Variants in THSD4 observed in about 807,000 individuals in gnomAD.
THSD4 encodes thrombospondin type-1 domain-containing protein 4.
A neutral mutation model predicts 119.0 loss-of-function variants in THSD4; 69 were observed. The ratio of observed to expected loss-of-function variants is 0.58; its 90% CI spans 0.48 to 0.71. The LOEUF (loss-of-function observed/expected upper bound fraction) is 0.71, where lower values mean the gene tolerates loss of function less well. Among genes scored for constraint, THSD4 ranks in the 30% least tolerant of loss-of-function variants. THSD4 has a pLI of 0.00. For missense variants in THSD4, 1,393 were observed against 1,391.1 expected (o/e 1.00, Z -0.02); for synonymous variants, 524 against 540.4 (o/e 0.97, Z 0.42).
chr15:71,346,317 T>C (rs1285723049), intron 6 of THSD4, among the ~76,000 whole-genome samples: 2 of 152,238 alleles, frequency 1.3e-5, no homozygotes, highest in Non-Finnish European at 2.9e-5. Context: ...TGGGGTATTC[T>C]TATTGTATCC....
intron 1 of THSD4, among the ~76,000 whole-genome samples, chr15:71,119,202 C>G (rs1038892558): frequency 5.3e-5 from 8 of 152,228 alleles, no homozygotes; most frequent in African/African-American, 1.9e-4. Flanking sequence ...TTAAACCCAG[C>G]TCTCTAAATC....
intron 1 of THSD4, among the ~76,000 whole-genome samples, chr15:71,126,539 C>T (rs2040458142): frequency 6.6e-6 from 1 of 152,156 alleles, no homozygotes; most frequent in African/African-American, 2.4e-5. Context: ...CTAAAATGTC[C>T]AGGTTTCAAT....
At chr15:71,190,913 C>G (rs115508409) in intron 3 of THSD4, among the ~76,000 whole-genome samples, 3,102 of 152,182 alleles carry the variant, frequency 0.02, 44 homozygotes, top group South Asian at 0.049. Context: ...TCAGTGCCAG[C>G]CCTCCCAAAT....
intron 7 of THSD4, among the ~76,000 whole-genome samples, chr15:71,438,239 C>T (rs2047042102): frequency 6.6e-6 from 1 of 152,060 alleles, no homozygotes; most frequent in African/African-American, 2.4e-5. Context: ...TTTTTCTTAA[C>T]TTGTAGGAGC....
At chr15:71,704,069 C>T (rs2052347603) in intron 8 of THSD4, among the ~76,000 whole-genome samples, 1 of 152,132 alleles carries the variant, frequency 6.6e-6, no homozygotes, top group Non-Finnish European at 1.5e-5. Context: ...AGAATGGTCT[C>T]AATCTCCTGA....
At chr15:71,529,746 G>A (rs1163087719) in intron 7 of THSD4, among the ~76,000 whole-genome samples, 1 of 152,164 alleles carries the variant, frequency 6.6e-6, no homozygotes, top group Non-Finnish European at 1.5e-5. Context: ...TGAACAAAAT[G>A]TACTGAAAAT....
chr15:71,233,173 C>T (rs2044075146), intron 4 of THSD4, among the ~76,000 whole-genome samples: 1 of 152,152 alleles, frequency 6.6e-6, no homozygotes, highest in African/African-American at 2.4e-5. Context: ...ATATTTTGTC[C>T]TTGAGCTATT....
rs1220024566 is a variant in THSD4 at position 71,779,250 on chromosome 15, T to A, written c.*1876T>A. ...CTCTTGGAACTCCTACAGATAAGCATCCTGGCAGAGGCCCAGGCTCCCAAA... is the reference window on the plus strand; with the variant it reads ...CTCTTGGAACTCCTACAGATAAGCAACCTGGCAGAGGCCCAGGCTCCCAAA... On this transcript the variant is annotated 3_prime_UTR_variant, in exon 18 of 18. Coordinates refer to ENST00000261862, the MANE Select transcript of THSD4 (RefSeq NM_024817.3). 1 of 152,204 alleles carries A rather than the reference T, an allele frequency of 6.6e-6. No individual in the cohort carries two copies. Among genetic ancestry groups the A allele is most frequent in the Non-Finnish European group, 1.5e-5 (1 of 68,066 alleles). The allele number at this position is 152,204 out of a possible 1,614,324, so 9.4% of individuals were successfully genotyped here. A position where few individuals can be genotyped will look rare whatever the true frequency, so the allele number is the denominator to read the frequency against.
At chr15:71,412,044 A>G (rs1430828159) in intron 7 of THSD4, among the ~76,000 whole-genome samples, 1 of 152,152 alleles carries the variant, frequency 6.6e-6, no homozygotes, top group Admixed American at 6.5e-5. Flanking sequence ...TAGCATTCCC[A>G]TTATTAAGTG....
At chr15:71,272,047 G>T (rs545603660) in intron 6 of THSD4, among the ~76,000 whole-genome samples, 42 of 152,004 alleles carry the variant, frequency 2.8e-4, no homozygotes, top group Non-Finnish European at 5.7e-4. Context: ...TCAGATCAGG[G>T]GCTCAAATCC....
intron 7 of THSD4, among the ~76,000 whole-genome samples, chr15:71,441,869 G>A (rs888987029): frequency 3.3e-5 from 5 of 152,088 alleles, no homozygotes; most frequent in Non-Finnish European, 7.4e-5. Flanking sequence ...TCAATGAGAC[G>A]GTGCATAAAA....
At chr15:71,137,060 C>A (rs1307489561) in intron 1 of THSD4, among the ~76,000 whole-genome samples, 1 of 152,106 alleles carries the variant, frequency 6.6e-6, no homozygotes, top group East Asian at 1.9e-4. Context: ...CCTGTAGGAT[C>A]TTTGTGGAAG....
At chr15:71,261,888 G>A (rs1223566399) in intron 6 of THSD4, among the ~76,000 whole-genome samples, 2 of 152,190 alleles carry the variant, frequency 1.3e-5, no homozygotes, top group Non-Finnish European at 2.9e-5. Context: ...GAAGCCTATG[G>A]TCACTGAAGT....
intron 7 of THSD4, among the ~76,000 whole-genome samples, chr15:71,553,395 G>A (rs1024324411): frequency 6.7e-6 from 1 of 150,344 alleles, no homozygotes; most frequent in Non-Finnish European, 1.5e-5. Flanking sequence ...GCGTGATCTC[G>A]GCTCACTGCA....
chr15:71,277,328 G>A (rs1393293882), intron 6 of THSD4, among the ~76,000 whole-genome samples: 1 of 152,026 alleles, frequency 6.6e-6, no homozygotes, highest in Admixed American at 6.5e-5. Flanking sequence ...GTTTTACCAT[G>A]TCGGCTAGGT....
Position 71,735,896 on chromosome 15 carries a change from C to T in THSD4, c.1631-1836C>T, listed in dbSNP as rs547665041. On this transcript the variant is annotated intron_variant, in intron 10 of 17. Coordinates refer to ENST00000261862, the MANE Select transcript of THSD4 (RefSeq NM_024817.3). ...TTTCTGTCTCTGTCTCTCTGTCTCT[C>T]TCTGTCTCTCTTGCTCTCTGTCTCT... 2.5e-3 allele frequency among the ~76,000 whole-genome samples: 382 copies of T among 150,658 alleles called. 2 individuals carry two copies. Among genetic ancestry groups the T allele is most frequent in the African/African-American group, 9.0e-3 (366 of 40,650 alleles).
At position 71,701,605 on chromosome 15, in the gene THSD4, A is replaced by C. The variant is rs552037318; in HGVS notation, c.1358-26944A>C. ...CCATCCTATGAAACACTCTTTAGCCATTAAAAATAATGGACTAGCTCTATA... is the reference window on the plus strand; with the variant it reads ...CCATCCTATGAAACACTCTTTAGCCCTTAAAAATAATGGACTAGCTCTATA... On this transcript the variant is annotated intron_variant, in intron 8 of 17. Transcript: ENST00000261862. Among the ~76,000 whole-genome samples, 102 of 152,342 alleles carry C rather than the reference A, an allele frequency of 6.7e-4. 4 individuals are homozygous for C. The South Asian group carries it at 0.018, about 27-fold the overall frequency.
chr15:71,444,062 A>G (rs1454811385), intron 7 of THSD4, among the ~76,000 whole-genome samples: 1 of 152,242 alleles, frequency 6.6e-6, no homozygotes, highest in African/African-American at 2.4e-5. Flanking sequence ...GTTCCTAAGA[A>G]CTAGAACTTC....
In THSD4 at chr15:71,600,990, A is replaced by G. The variant is rs553326701; in HGVS notation, c.1153-59540A>G. ...TCAAACTCCTGACCCCAGGTGATCC[A>G]CCCGTCTTGGCCTCCTGAAGTGCTG... On this transcript the variant is annotated intron_variant, in intron 7 of 17. Coordinates refer to ENST00000261862, the MANE Select transcript of THSD4 (RefSeq NM_024817.3). Among the ~76,000 whole-genome samples, 10 of 152,112 alleles carry G rather than the reference A, an allele frequency of 6.6e-5. No homozygotes were observed. In the East Asian group the frequency reaches 1.7e-3, roughly 26 times the overall value.
Sources: allele counts gnomAD v4.1 joint callset (sites outside exome capture counted in the v4.1 genomes callset), GRCh38; gene constraint gnomAD v4.1.1; transcripts MANE v1.5; gene names NCBI Gene and HGNC (gene_info 2026-07-23, HGNC 2026-07-21).